The following ROBO2 variants were observed in gnomAD, a reference collection of about 807,000 sequenced individuals.
The protein encoded by ROBO2 is roundabout guidance receptor 2.
In ROBO2, 53 loss-of-function variants were observed where a neutral mutation model predicts 160.8. The ratio of observed to expected loss-of-function variants is 0.33; its 90% confidence interval spans 0.26 to 0.41. The LOEUF is 0.41. Ranked by LOEUF, ROBO2 falls within the 10% of genes least tolerant of loss-of-function variation. The pLI, the probability that ROBO2 is intolerant of heterozygous loss-of-function variation, is 1.00. For synonymous variants in ROBO2, 664 were observed against 611.7 expected (o/e 1.09, Z -1.26); for missense variants, 1,577 against 1,722.4 (o/e 0.92, Z 1.49).
chr3:76,075,623 C>T (rs1192274141), intron 2 of ROBO2, among the ~76,000 whole-genome samples: 1 of 152,156 alleles, frequency 6.6e-6, no homozygotes, highest in Non-Finnish European at 1.5e-5. Flanking sequence ...GGTATCACTC[C>T]ATTCAAATCA....
At chr3:77,520,172 T>C (rs2153626306) in intron 5 of ROBO2, among the ~76,000 whole-genome samples, 1 of 151,490 alleles carries the variant, frequency 6.6e-6, no homozygotes, top group African/African-American at 2.4e-5. Context: ...ATTTGCTGAA[T>C]ATGAAATTAT....
intron 2 of ROBO2, among the ~76,000 whole-genome samples, chr3:76,309,359 A>C (rs1414719827): frequency 6.6e-6 from 1 of 152,222 alleles, no homozygotes; most frequent in African/African-American, 2.4e-5. Context: ...TTCCTTCCTC[A>C]CACAGAAGTT....
At chr3:77,156,003 C>A (rs563519903) in intron 2 of ROBO2, among the ~76,000 whole-genome samples, 1 of 151,972 alleles carries the variant, frequency 6.6e-6, no homozygotes, top group East Asian at 1.9e-4. Flanking sequence ...GCTTTTATTG[C>A]CACTCTTTCT....
chr3:77,468,764 T>A (rs1206680011), intron 2 of ROBO2, among the ~76,000 whole-genome samples: 41 of 152,210 alleles, frequency 2.7e-4, no homozygotes, highest in Admixed American at 2.6e-3. Context: ...CATGCTCCAA[T>A]TCCTACCGCT....
At chr3:76,894,624 C>T (rs1295216002) in intron 2 of ROBO2, among the ~76,000 whole-genome samples, 1 of 152,090 alleles carries the variant, frequency 6.6e-6, no homozygotes, top group Non-Finnish European at 1.5e-5. Context: ...TGTGCTGAAG[C>T]AGTCAGTAAG....
At chr3:76,737,977 T>C (rs1297977153) in intron 2 of ROBO2, among the ~76,000 whole-genome samples, 1 of 151,622 alleles carries the variant, frequency 6.6e-6, no homozygotes, top group African/African-American at 2.4e-5. Flanking sequence ...TACAAAAAAA[T>C]ACAAAAATTA....
At chr3:76,557,169 A>G (rs145872888) in intron 2 of ROBO2, among the ~76,000 whole-genome samples, 2 of 152,030 alleles carry the variant, frequency 1.3e-5, no homozygotes, top group South Asian at 2.1e-4. Flanking sequence ...TGCTCACTCT[A>G]TAAGATGTTG....
intron 2 of ROBO2, among the ~76,000 whole-genome samples, chr3:76,006,028 TC>T (rs1453257412): frequency 6.6e-6 from 1 of 152,188 alleles, no homozygotes; most frequent in Non-Finnish European, 1.5e-5. Context: ...GTTTGGTTTC[TC>T]CATTGTCTTT....
At chr3:77,518,200 C>G (rs2090222237) in intron 5 of ROBO2, among the ~76,000 whole-genome samples, 1 of 151,404 alleles carries the variant, frequency 6.6e-6, no homozygotes, top group African/African-American at 2.4e-5. Flanking sequence ...GACCCCTTGT[C>G]ACAGGAGCAA....
chr3:76,853,908 G>A (rs2069697502), intron 2 of ROBO2, among the ~76,000 whole-genome samples: 1 of 151,938 alleles, frequency 6.6e-6, no homozygotes, highest in African/African-American at 2.4e-5. Flanking sequence ...AGAATAAAAA[G>A]TGTGCTGTAT....
chr3:77,249,802 CTAT>C (rs2090141957), intron 2 of ROBO2, among the ~76,000 whole-genome samples: 1 of 151,438 alleles, frequency 6.6e-6, no homozygotes, highest in Admixed American at 6.6e-5. Flanking sequence ...AATATAGCTA[CTAT>C]ATTTTATTAT....
chr3:76,840,966 C>T (rs973847940), intron 2 of ROBO2, among the ~76,000 whole-genome samples: 2 of 152,008 alleles, frequency 1.3e-5, no homozygotes, highest in Non-Finnish European at 2.9e-5. Flanking sequence ...CAACTACAAG[C>T]CTATCTCTAT....
chr3:77,289,211 T>G (rs2060858823), intron 2 of ROBO2, among the ~76,000 whole-genome samples: 1 of 152,180 alleles, frequency 6.6e-6, no homozygotes, highest in Non-Finnish European at 1.5e-5. Context: ...TCTGAGATTG[T>G]TAATAGCAGT....
intron 23 of ROBO2, among the ~76,000 whole-genome samples, chr3:77,624,020 C>T (rs959382425): frequency 6.6e-6 from 1 of 152,104 alleles, no homozygotes; most frequent in African/African-American, 2.4e-5. Context: ...TCTCCTGTAG[C>T]TAGTGTAATG....
chr3:77,235,781 A>T (rs2087881009), intron 2 of ROBO2, among the ~76,000 whole-genome samples: 1 of 152,190 alleles, frequency 6.6e-6, no homozygotes, highest in African/African-American at 2.4e-5. Flanking sequence ...TTATTTTTCA[A>T]ATCAGTTTGA....
intron 22 of ROBO2, among the ~76,000 whole-genome samples, chr3:77,620,532 A>G (rs1463492918): frequency 3.3e-5 from 5 of 152,318 alleles, no homozygotes; most frequent in African/African-American, 1.2e-4. Flanking sequence ...ATACTTAGGA[A>G]ACTTGCTATT....
At chr3:76,810,216 T>C (rs976652850) in intron 2 of ROBO2, among the ~76,000 whole-genome samples, 1 of 152,056 alleles carries the variant, frequency 6.6e-6, no homozygotes, top group Non-Finnish European at 1.5e-5. Context: ...AATGTACAAA[T>C]TCCTGCAATA....
At chr3:76,844,834 G>A in intron 2 of ROBO2, among the ~76,000 whole-genome samples, 1 of 151,902 alleles carries the variant, frequency 6.6e-6, no homozygotes, top group East Asian at 1.9e-4. Context: ...AAATAAAGAT[G>A]CATTTACTAC....
At chr3:77,636,608 G>A (rs2095268248) in intron 24 of ROBO2, among the ~76,000 whole-genome samples, 6 of 151,702 alleles carry the variant, frequency 4.0e-5, no homozygotes, top group Admixed American at 3.9e-4. Context: ...AAAAAGAAAA[G>A]GAAGAAGGAA....
Sources: gnomAD v4.1 joint callset for allele counts (sites outside exome capture counted in the v4.1 genomes callset) on GRCh38, gnomAD v4.1.1 for gene constraint, MANE v1.5 for transcripts, NCBI Gene and HGNC (gene_info 2026-07-23, HGNC 2026-07-21) for gene names.